PAPSS2: variants seen among roughly 807,000 people sequenced by gnomAD.
PAPSS2 encodes the protein 3'-phosphoadenosine 5'-phosphosulfate synthase 2.
PAPSS2 carries 61 observed loss-of-function variants against 66.5 expected under a neutral mutation model. That is an observed-to-expected ratio of 0.92 (90% confidence interval 0.75 to 1.14). PAPSS2 has a LOEUF of 1.14. Ranked by LOEUF, PAPSS2 falls within the 50% of genes most tolerant of loss-of-function variation. The pLI, the probability that PAPSS2 is intolerant of heterozygous loss-of-function variation, is 0.00. For synonymous variants in PAPSS2, 289 were observed against 287.5 expected (o/e 1.01, Z -0.05); for missense variants, 708 against 789.6 (o/e 0.90, Z 1.24).
intron 7 of PAPSS2, among the ~76,000 whole-genome samples, chr10:87,719,042 T>C (rs993667185): frequency 6.6e-6 from 1 of 152,208 alleles, no homozygotes; most frequent in Non-Finnish European, 1.5e-5. Flanking sequence ...CAGAGTCCAC[T>C]GGACATACTT....
At chr10:87,725,355 T>A (rs1853645777) in intron 8 of PAPSS2, among the ~76,000 whole-genome samples, 1 of 152,214 alleles carries the variant, frequency 6.6e-6, no homozygotes, top group Admixed American at 6.5e-5. Flanking sequence ...TGCCTTCTAA[T>A]TTGCTGTGCT....
At chr10:87,663,095 A>G (rs1852772609) in intron 1 of PAPSS2, among the ~76,000 whole-genome samples, 1 of 130,036 alleles carries the variant, frequency 7.7e-6, no homozygotes, top group South Asian at 2.5e-4. Context: ...TTATTTTTCT[A>G]GAAGTAGCCA....
intron 1 of PAPSS2, among the ~76,000 whole-genome samples, chr10:87,688,709 G>A (rs1456150860): frequency 2.0e-5 from 3 of 151,814 alleles, no homozygotes; most frequent in South Asian, 2.1e-4. Flanking sequence ...CTCCCGCCTC[G>A]GCCTCCCAAA....
chr10:87,707,563 T>C (rs1853407064), intron 1 of PAPSS2, among the ~76,000 whole-genome samples: 1 of 139,378 alleles, frequency 7.2e-6, no homozygotes, highest in South Asian at 2.3e-4. Flanking sequence ...TTCTTTTTTT[T>C]CTTTTTTTTT....
intron 1 of PAPSS2, among the ~76,000 whole-genome samples, chr10:87,706,108 ATGTGTGTGTGTGTGTG>A (rs150079044): frequency 5.2e-4 from 27 of 51,928 alleles, no homozygotes; most frequent in African/African-American, 9.0e-4. Flanking sequence ...ATATATATAT[ATGTGTGTGTGTGTGTG>A]TGTGTGTGTG....
At chr10:87,706,034 G>A (rs1339836974) in intron 1 of PAPSS2, among the ~76,000 whole-genome samples, 2 of 142,964 alleles carry the variant, frequency 1.4e-5, no homozygotes, top group Non-Finnish European at 3.0e-5. Flanking sequence ...GTCTGGCCAG[G>A]TTGTCTTTTT....
intron 1 of PAPSS2, among the ~76,000 whole-genome samples, chr10:87,708,662 C>A (rs985063577): frequency 2.0e-5 from 3 of 152,140 alleles, no homozygotes; most frequent in Non-Finnish European, 2.9e-5. Flanking sequence ...TACATAAAAT[C>A]AAAAATTTTC....
chr10:87,697,972 A>T (rs1250115852), intron 1 of PAPSS2, among the ~76,000 whole-genome samples: 1 of 152,202 alleles, frequency 6.6e-6, no homozygotes, highest in African/African-American at 2.4e-5. Context: ...ATGCTTGCAA[A>T]CTGTCTGAAT....
rs149586120 is a variant in PAPSS2, at chr10:87,700,635, G to A, written c.28-8561G>A. Among the ~76,000 whole-genome samples the A allele has an allele frequency of 6.4e-3, 961 of 150,120 alleles. 13 individuals are homozygous for A. Among genetic ancestry groups the A allele is most frequent in the African/African-American group, 0.023 (933 of 40,672 alleles). Reference sequence around the variant, plus strand: ...ATCACACCACTGCACTGCAGCCTGGGTGACAGAGTGAGACCCTGTCTCAAA... The same window carrying A: ...ATCACACCACTGCACTGCAGCCTGGATGACAGAGTGAGACCCTGTCTCAAA... On this transcript the variant is annotated intron_variant, in intron 1 of 12. Coordinates refer to ENST00000456849, the MANE Select transcript of PAPSS2 (RefSeq NM_001015880.2).
At chr10:87,693,601 C>T (rs967412673) in intron 1 of PAPSS2, among the ~76,000 whole-genome samples, 1 of 152,192 alleles carries the variant, frequency 6.6e-6, no homozygotes, top group Non-Finnish European at 1.5e-5. Flanking sequence ...GTTTGACATA[C>T]AAAAGCACTG....
chr10:87,695,053 G>A (rs959916923), intron 1 of PAPSS2, among the ~76,000 whole-genome samples: 14 of 152,370 alleles, frequency 9.2e-5, no homozygotes, highest in Admixed American at 2.6e-4. Context: ...TCAGTTCATA[G>A]CATCAGGAGG....
intron 1 of PAPSS2, among the ~76,000 whole-genome samples, chr10:87,700,908 TAATA>T (rs1237721867): frequency 2.6e-5 from 4 of 151,868 alleles, no homozygotes; most frequent in African/African-American, 9.7e-5. Flanking sequence ...TGTAAGCACA[TAATA>T]AATTATAATA....
chr10:87,704,423 C>G (rs914771455), intron 1 of PAPSS2, among the ~76,000 whole-genome samples: 2 of 152,112 alleles, frequency 1.3e-5, no homozygotes, highest in African/African-American at 4.8e-5. Flanking sequence ...TGGATCTCTG[C>G]CTGTGTGGAG....
chr10:87,679,330 A>C (rs1017947308), intron 1 of PAPSS2, among the ~76,000 whole-genome samples: 2 of 152,236 alleles, frequency 1.3e-5, no homozygotes, highest in African/African-American at 4.8e-5. Context: ...TACAGATACA[A>C]TTAGATAAAA....
intron 1 of PAPSS2, among the ~76,000 whole-genome samples, chr10:87,698,555 T>G (rs914578673): frequency 6.6e-6 from 1 of 152,218 alleles, no homozygotes; most frequent in African/African-American, 2.4e-5. Flanking sequence ...CAAAGTATAA[T>G]CCTATAGTGT....
At chr10:87,702,383 G>A (rs1011270469) in intron 1 of PAPSS2, among the ~76,000 whole-genome samples, 1 of 152,180 alleles carries the variant, frequency 6.6e-6, no homozygotes, top group Non-Finnish European at 1.5e-5. Flanking sequence ...GGATCACAAT[G>A]CTCAGTCTCT....
At chr10:87,680,394 T>A (rs1284525033) in intron 1 of PAPSS2, among the ~76,000 whole-genome samples, 2 of 152,138 alleles carry the variant, frequency 1.3e-5, no homozygotes, top group Non-Finnish European at 2.9e-5. Flanking sequence ...GGCACCTGGA[T>A]AACAAAGTTC....
intron 9 of PAPSS2, among the ~76,000 whole-genome samples, chr10:87,735,291 C>T (rs1336775568): frequency 6.6e-6 from 1 of 152,140 alleles, no homozygotes; most frequent in Non-Finnish European, 1.5e-5. Context: ...GCCCCTTGTC[C>T]CTCCCCATCC....
At chr10:87,671,486 G>C (rs1400952333) in intron 1 of PAPSS2, among the ~76,000 whole-genome samples, 2 of 152,200 alleles carry the variant, frequency 1.3e-5, no homozygotes, top group Admixed American at 1.3e-4. Context: ...CAAGGCTTCA[G>C]TGTTCTAGTG....
Sources: gnomAD v4.1 joint callset for allele counts (sites outside exome capture counted in the v4.1 genomes callset) on GRCh38, gnomAD v4.1.1 for gene constraint, MANE v1.5 for transcripts, NCBI Gene and HGNC (gene_info 2026-07-23, HGNC 2026-07-21) for gene names.